The following PARVA variants were observed in gnomAD, a reference collection of about 807,000 sequenced individuals.
The protein encoded by PARVA is alpha-parvin.
PARVA carries 25 observed loss-of-function variants against 52.6 expected under a neutral mutation model. The ratio of observed to expected loss-of-function variants is 0.48; its 90% CI spans 0.35 to 0.66. The LOEUF is 0.66. Among genes scored for constraint, PARVA ranks in the 30% least tolerant of loss-of-function variants. The probability of loss-of-function intolerance (pLI) is 0.01; values close to 1 mark genes in which losing one functional copy is unlikely to be tolerated. For synonymous variants in PARVA, 185 were observed against 179.1 expected, an observed-to-expected ratio of 1.03 and a Z score of -0.26; for missense variants, 373 against 450.9, an observed-to-expected ratio of 0.83 and a Z score of 1.56.
chr11:12,433,629 G>A (rs1353587115), intron 1 of PARVA, among the ~76,000 whole-genome samples: 5 of 152,146 alleles, frequency 3.3e-5, no homozygotes, highest in Non-Finnish European at 5.9e-5. Context: ...ACCGGCAGCC[G>A]GCCTAGAATC....
chr11:12,499,994 C>T (rs370086180), intron 5 of PARVA, among the ~76,000 whole-genome samples: 2 of 152,056 alleles, frequency 1.3e-5, no homozygotes, highest in Admixed American at 6.6e-5. Flanking sequence ...GATTGTTCTC[C>T]GTTTTCCCAC....
chr11:12,477,205 C>T (rs1311592287), intron 3 of PARVA: 2 of 152,206 alleles, frequency 1.3e-5, no homozygotes, highest in South Asian at 2.1e-4. Context: ...AGCAATTCTC[C>T]TACCTCAGCC....
In PARVA at chr11:12,494,478, A is replaced by T. The variant is rs188728257; in HGVS notation, c.401-1980A>T. Among the ~76,000 whole-genome samples, 16 of 152,306 alleles carry T rather than the reference A, an allele frequency of 1.1e-4. No homozygotes were observed. In the East Asian group the frequency reaches 2.7e-3, roughly 26 times the overall value. On this transcript the variant is annotated intron_variant, in intron 4 of 12. Transcript: ENST00000334956. Reference sequence around the variant, plus strand: ...AGGGGCTTGTTATGAATAACAAAAGATGTTCCTTTTACCTTAATCATTTCA... The same window carrying T: ...AGGGGCTTGTTATGAATAACAAAAGTTGTTCCTTTTACCTTAATCATTTCA...
rs116829699 is a variant in PARVA at position 12,419,649 on chromosome 11, T to G, written c.136+41866T>G. Among the ~76,000 whole-genome samples the G allele has an allele frequency of 9.9e-3, 1,513 of 152,330 alleles. 27 individuals are homozygous for G. The highest frequency in any genetic ancestry group is 0.034 in the African/African-American group (1,423 of 41,578). ...TGTATGCAGAAGTTAAATTGCTGGA[T>G]CTTACAGGTAATTCTATGTTTAATT... is the stretch of plus-strand genomic sequence containing the variant. On this transcript the variant is annotated intron_variant, in intron 1 of 12. Coordinates refer to ENST00000334956, the MANE Select transcript of PARVA (RefSeq NM_018222.5).
intron 1 of PARVA, among the ~76,000 whole-genome samples, chr11:12,397,174 A>G (rs1220094964): frequency 6.6e-6 from 1 of 152,206 alleles, no homozygotes; most frequent in Admixed American, 6.5e-5. Flanking sequence ...CTATTGATGA[A>G]CATTTAAGTT....
At chr11:12,439,866 A>G (rs1442182477) in intron 1 of PARVA, among the ~76,000 whole-genome samples, 1 of 152,156 alleles carries the variant, frequency 6.6e-6, no homozygotes, top group East Asian at 1.9e-4. Flanking sequence ...CCTTCACTCC[A>G]GCCTCTGTTC....
At chr11:12,468,189 C>T (rs770580158) in intron 1 of PARVA, among the ~76,000 whole-genome samples, 2 of 152,192 alleles carry the variant, frequency 1.3e-5, no homozygotes, top group Admixed American at 6.5e-5. Flanking sequence ...GAGTGTAGCA[C>T]CGTGTGCATT....
chr11:12,401,344 G>T (rs562529212), intron 1 of PARVA, among the ~76,000 whole-genome samples: 2 of 152,244 alleles, frequency 1.3e-5, no homozygotes, highest in South Asian at 4.2e-4. Flanking sequence ...AAGGTTAAAG[G>T]GGCTTCTTTT....
At chr11:12,379,689 G>A (rs546361579) in intron 1 of PARVA, among the ~76,000 whole-genome samples, 149 of 152,306 alleles carry the variant, frequency 9.8e-4, no homozygotes, top group Middle Eastern at 3.4e-3. Context: ...CATCTTCAGC[G>A]CTGAGGATTA....
At chr11:12,527,065 A>T (rs973597976) in intron 12 of PARVA, among the ~76,000 whole-genome samples, 1 of 152,212 alleles carries the variant, frequency 6.6e-6, no homozygotes, top group African/African-American at 2.4e-5. Flanking sequence ...GCCTTTCGGG[A>T]TCCAGCCCCA....
chr11:12,459,404 CA>C (rs199712760), intron 1 of PARVA, among the ~76,000 whole-genome samples: 23 of 138,688 alleles, frequency 1.7e-4, no homozygotes, highest in Non-Finnish European at 7.9e-5. Flanking sequence ...GACCCTGTCT[CA>C]AAAAAAAAAG....
intron 4 of PARVA, among the ~76,000 whole-genome samples, chr11:12,483,665 G>A (rs1941118733): frequency 6.6e-6 from 1 of 152,228 alleles, no homozygotes; most frequent in African/African-American, 2.4e-5. Context: ...TGTAGCTGCA[G>A]ATGAATGCAG....
At chr11:12,417,005 T>C (rs192871942) in intron 1 of PARVA, among the ~76,000 whole-genome samples, 36 of 152,318 alleles carry the variant, frequency 2.4e-4, no homozygotes, top group Non-Finnish European at 4.0e-4. Context: ...AGTCACTTTG[T>C]TGGAACTACT....
At chr11:12,458,975 CTT>C in intron 1 of PARVA, among the ~76,000 whole-genome samples, 1 of 152,138 alleles carries the variant, frequency 6.6e-6, no homozygotes, top group Non-Finnish European at 1.5e-5. Context: ...TTCTTCTTTC[CTT>C]TCCTGGGATT....
chr11:12,505,076 T>C (rs1217994155), intron 6 of PARVA, among the ~76,000 whole-genome samples: 1 of 152,216 alleles, frequency 6.6e-6, no homozygotes, highest in Non-Finnish European at 1.5e-5. Context: ...ATTTCCACAA[T>C]GAGGGTGTGC....
intron 1 of PARVA, among the ~76,000 whole-genome samples, chr11:12,411,873 C>T (rs912947917): frequency 6.6e-6 from 1 of 152,204 alleles, no homozygotes; most frequent in Non-Finnish European, 1.5e-5. Flanking sequence ...GCCCTGCCCA[C>T]ATCACCAGCC....
chr11:12,440,691 T>A (rs1940454187), intron 1 of PARVA, among the ~76,000 whole-genome samples: 1 of 152,194 alleles, frequency 6.6e-6, no homozygotes, highest in African/African-American at 2.4e-5. Context: ...TTCCTTGCAT[T>A]GTAGGACTGG....
intron 1 of PARVA, among the ~76,000 whole-genome samples, chr11:12,411,937 A>G (rs1444138977): frequency 6.6e-6 from 1 of 152,022 alleles, no homozygotes; most frequent in Non-Finnish European, 1.5e-5. Context: ...GCATTCCCCT[A>G]ATAGGTCCGG....
chr11:12,511,581 T>C, intron 8 of PARVA, 48 bp downstream of exon 8: 1 of 1,597,028 alleles, frequency 6.3e-7, no homozygotes, highest in East Asian at 2.2e-5. Context: ...GCACTGGGGC[T>C]TTAGTTAATT....
Sources: allele counts gnomAD v4.1 joint callset (sites outside exome capture counted in the v4.1 genomes callset), GRCh38; gene constraint gnomAD v4.1.1; transcripts MANE v1.5; gene names NCBI Gene and HGNC (gene_info 2026-07-23, HGNC 2026-07-21).